Variants in MARS1 observed in about 807,000 individuals in gnomAD.
MARS1 encodes methionyl-tRNA synthetase 1.
In MARS1, 80 loss-of-function variants were observed where a neutral mutation model predicts 119.5. The ratio of observed to expected loss-of-function variants is 0.67; its 90% CI spans 0.56 to 0.81. MARS1 has a LOEUF of 0.81. Ranked by LOEUF, MARS1 falls within the 30% of genes least tolerant of loss-of-function variation. The pLI is 0.00. For synonymous variants in MARS1, 418 were observed against 433.4 expected (o/e 0.96, Z 0.44); for missense variants, 945 against 1,116.5 (o/e 0.85, Z 2.19).
At chr12:57,515,844 T>C in intron 18 of MARS1, 76 bp from the exon 19 acceptor site, 1 of 1,066,110 alleles carries the variant, frequency 9.4e-7, no homozygotes, top group Non-Finnish European at 1.4e-6. Flanking sequence ...AGATTGGGGT[T>C]GGAGAGGTCA....
At chr12:57,489,614 G>A (rs1202685033) in intron 4 of MARS1, 56 bp downstream of exon 4, 1 of 1,608,294 alleles carries the variant, frequency 6.2e-7, no homozygotes, top group Non-Finnish European at 8.5e-7. Context: ...AGGATTAAGA[G>A]GGAAGACTGT....
chr12:57,515,396 G>T, intron 18 of MARS1, 60 bp downstream of exon 18: 1 of 1,531,332 alleles, frequency 6.5e-7, no homozygotes, highest in Non-Finnish European at 8.9e-7. Context: ...CTTTTGGAGT[G>T]GGTGAGAGAA....
intron 10 of MARS1, among the ~76,000 whole-genome samples, chr12:57,502,052 A>G (rs1876942868): frequency 6.6e-6 from 1 of 152,198 alleles, no homozygotes; most frequent in South Asian, 2.1e-4. Flanking sequence ...CAACCCAGAA[A>G]TGGGATAATG....
intron 15 of MARS1, among the ~76,000 whole-genome samples, chr12:57,513,281 G>A (rs1334951854): frequency 1.3e-5 from 2 of 152,140 alleles, no homozygotes; most frequent in Non-Finnish European, 2.9e-5. Context: ...GCAGATCATT[G>A]AAAAGTTTGG....
chr12:57,493,868 TAATA>T (rs1194670640), intron 7 of MARS1, among the ~76,000 whole-genome samples: 208 of 5,244 alleles, frequency 0.04, 93 homozygotes, highest in East Asian at 1. Context: ...TTATATTATA[TAATA>T]TATATAATAT....
chr12:57,514,729 G>GT lies in MARS1; in HGVS notation c.1980dup (p.Val661CysfsTer3), dbSNP rs1877695139. On this transcript the variant is annotated frameshift_variant, in exon 16 of 21. Transcript: ENST00000262027. LOFTEE classifies it high-confidence loss of function. ...CCTACTCCCAACCAAGAGCTGGGAT[G>GT]TTTGTGTCTAAGTTCTTTGGGGGCT... is the stretch of plus-strand genomic sequence containing the variant. 6.2e-7 allele frequency: 1 copy of GT among 1,613,990 alleles called. No homozygotes were observed. The highest frequency in any genetic ancestry group is 8.5e-7 in the Non-Finnish European group (1 of 1,180,040).
chr12:57,505,049 G>C (rs1253210347), intron 11 of MARS1, among the ~76,000 whole-genome samples: 1 of 151,756 alleles, frequency 6.6e-6, no homozygotes, highest in Non-Finnish European at 1.5e-5. Context: ...GGTTCTCACT[G>C]TGTTACCCAG....
intron 7 of MARS1, among the ~76,000 whole-genome samples, chr12:57,491,261 C>T (rs1372261424): frequency 1.3e-5 from 2 of 152,156 alleles, no homozygotes; most frequent in Non-Finnish European, 2.9e-5. Flanking sequence ...ACTCCAGACA[C>T]ATTTGCCATA....
intron 7 of MARS1, among the ~76,000 whole-genome samples, chr12:57,497,145 T>C (rs1356132931): frequency 1.3e-5 from 2 of 152,108 alleles, no homozygotes; most frequent in African/African-American, 2.4e-5. Flanking sequence ...CAAAAAAGAC[T>C]GTGTGGGAAG....
At chr12:57,495,588 C>G (rs903301769) in intron 7 of MARS1, among the ~76,000 whole-genome samples, 3 of 152,196 alleles carry the variant, frequency 2.0e-5, no homozygotes, top group African/African-American at 7.2e-5. Flanking sequence ...TCCTCACTTC[C>G]CAGACGGGGT....
At chr12:57,496,057 C>T (rs1182502791) in intron 7 of MARS1, among the ~76,000 whole-genome samples, 5 of 152,106 alleles carry the variant, frequency 3.3e-5, no homozygotes, top group African/African-American at 7.2e-5. Flanking sequence ...TTAGTAGAGA[C>T]GGGGTTTCAC....
intron 7 of MARS1, among the ~76,000 whole-genome samples, chr12:57,493,557 A>G (rs1165206506): frequency 2.9e-4 from 1 of 3,470 alleles, no homozygotes; most frequent in Non-Finnish European, 5.5e-4. Context: ...AATATATAAT[A>G]TATAATATAT....
chr12:57,489,975 A>C lies in MARS1; in HGVS notation c.490+4A>C. On this transcript the variant is annotated splice_donor_region_variant and intron_variant, in intron 5 of 20. Transcript: ENST00000262027. The stretch of plus-strand genomic sequence containing the variant: ...CAAGATCCCGCCTACCTCCCTGGTG[A>C]GAACTGTGCATATCACTCCAACCCT... 1 of 1,613,632 alleles carries C rather than the reference A, an allele frequency of 6.2e-7. No homozygotes were observed. The highest frequency in any genetic ancestry group is 8.5e-7 in the Non-Finnish European group (1 of 1,179,556).
intron 11 of MARS1, among the ~76,000 whole-genome samples, chr12:57,510,211 C>A (rs139549120): frequency 6.6e-6 from 1 of 152,190 alleles, no homozygotes; most frequent in Non-Finnish European, 1.5e-5. Flanking sequence ...TGGTGACTCA[C>A]GCCTGTAATC....
chr12:57,510,017 AAATT>A (rs1386491942), intron 11 of MARS1, among the ~76,000 whole-genome samples: 1 of 151,778 alleles, frequency 6.6e-6, no homozygotes, highest in African/African-American at 2.4e-5. Context: ...TGTTCAAACA[AAATT>A]TTTTTCTAGA....
chr12:57,488,745 T>C (rs1309758396), intron 1 of MARS1: 1 of 1,298,506 alleles, frequency 7.7e-7, no homozygotes, highest in Non-Finnish European at 1.1e-6. Context: ...CTTTCAGTCG[T>C]TAAGTTCTTG....
intron 7 of MARS1, among the ~76,000 whole-genome samples, chr12:57,492,020 C>T (rs923391809): frequency 2.0e-5 from 3 of 152,122 alleles, no homozygotes; most frequent in Non-Finnish European, 2.9e-5. Flanking sequence ...TGGCTCATGC[C>T]TGTAATCCTA....
In MARS1 at chr12:57,490,624, G is replaced by A. The variant is rs762092895; in HGVS notation, c.750G>A (p.Leu250=). The A allele has an allele frequency of 1.2e-6, 2 of 1,614,074 alleles. No homozygotes were observed. Among genetic ancestry groups the A allele is most frequent in the Non-Finnish European group, 8.5e-7 (1 of 1,180,026 alleles). Reference sequence around the variant, plus strand: ...AGGGCCTAGAAAGTTTGCCCCCGCTGCGGCCCCAGCAGAATCCAGTGTGAG... The same window carrying A: ...AGGGCCTAGAAAGTTTGCCCCCGCTACGGCCCCAGCAGAATCCAGTGTGAG... The part of the protein sequence containing the change: ...WEKGLESLPP[L]RPQQNPVLPV... Residue 250 remains leucine (L), a synonymous_variant, in exon 7 of 21, where the codon CTG becomes CTA. Coordinates refer to ENST00000262027, the MANE Select transcript of MARS1 (RefSeq NM_004990.4).
At chr12:57,509,077 AT>A (rs1877385836) in intron 11 of MARS1, among the ~76,000 whole-genome samples, 1 of 151,456 alleles carries the variant, frequency 6.6e-6, no homozygotes, top group Non-Finnish European at 1.5e-5. Context: ...ATGGATTCCT[AT>A]TTTTTTCAAT....
Sources: allele counts gnomAD v4.1 joint callset (sites outside exome capture counted in the v4.1 genomes callset), GRCh38; gene constraint gnomAD v4.1.1; transcripts MANE v1.5; gene names NCBI Gene and HGNC (gene_info 2026-07-23, HGNC 2026-07-21).